Variants in MTFMT observed in about 807,000 individuals in gnomAD.
The protein encoded by MTFMT is mitochondrial methionyl-tRNA formyltransferase, also known as methionyl-tRNA formyltransferase, mitochondrial.
MTFMT carries 47 observed loss-of-function variants against 51.8 expected under a neutral mutation model. That is an observed-to-expected ratio of 0.91 (90% CI 0.72 to 1.16). The LOEUF (loss-of-function observed/expected upper bound fraction) is 1.16, where lower values mean the gene tolerates loss of function less well. Ranked by LOEUF, MTFMT falls within the 50% of genes most tolerant of loss-of-function variation. MTFMT has a pLI of 0.00. For missense variants in MTFMT, 512 were observed against 482.3 expected, an observed-to-expected ratio of 1.06 and a Z score of -0.58; for synonymous variants, 196 against 176.7, an observed-to-expected ratio of 1.11 and a Z score of -0.87.
At chr15:65,011,320 C>T (rs1185641635) in intron 6 of MTFMT, among the ~76,000 whole-genome samples, 1 of 152,022 alleles carries the variant, frequency 6.6e-6, no homozygotes, top group African/African-American at 2.4e-5. Flanking sequence ...AAGACTCCAT[C>T]TCAAAAACAA....
At chr15:65,028,050 G>C (rs1371099672) in intron 1 of MTFMT, among the ~76,000 whole-genome samples, 4 of 152,222 alleles carry the variant, frequency 2.6e-5, no homozygotes, top group Non-Finnish European at 1.5e-5. Flanking sequence ...ACGTTGAGGA[G>C]TTATGAGGAG....
intron 3 of MTFMT, among the ~76,000 whole-genome samples, chr15:65,022,153 G>A (rs1004170362): frequency 2.0e-5 from 3 of 152,140 alleles, no homozygotes; most frequent in African/African-American, 7.2e-5. Flanking sequence ...GTTTTGCCTA[G>A]ATTATCACCA....
rs763779460 is a variant in MTFMT at position 65,029,429 on chromosome 15, G to A, written c.185C>T (p.Ala62Val). The change falls in exon 1 of 9, where the codon GCG becomes GTG. Residue 62 changes from alanine (A) to valine (V), a missense_variant. Ala to Val is a moderately conservative substitution (Grantham distance 64, BLOSUM62 0). Transcript: ENST00000220058. The part of the protein sequence containing the change: ...FFGTDQFARE[A>V]LRALHAAREN... ...CCTGGCGGCGTGCAGCGCCCGCAGC[G>A]CCTCGCGGGCGAACTGGTCCGTGCC... The A allele has an allele frequency of 2.0e-6, 3 of 1,503,240 alleles. No individual in the cohort carries two copies. The African/African-American group carries it at 4.4e-5, about 22-fold the overall frequency. 93.1% of individuals were successfully genotyped at this position (1,503,240 alleles called of 1,614,324 possible).
intron 5 of MTFMT, among the ~76,000 whole-genome samples, chr15:65,016,893 G>A (rs926027612): frequency 3.3e-5 from 5 of 150,996 alleles, no homozygotes; most frequent in African/African-American, 1.2e-4. Context: ...AGATTCTTGT[G>A]CCTCAGCCTC....
rs116654001 is a variant in MTFMT, at chr15:65,029,258, G to C, written c.209+147C>G. 5,779 of 1,284,178 alleles carry C rather than the reference G, an allele frequency of 4.5e-3. 211 individuals are homozygous for C. In the African/African-American group the frequency reaches 0.078, roughly 17 times the overall value. The allele number at this position is 1,284,178 out of a possible 1,614,324, so 79.5% of individuals were successfully genotyped here. ...ACCGGCGGGAATGGCGCACCTTCTG[G>C]GAGCCAGAAGACGCCGAGATCTGGG... On this transcript the variant is annotated intron_variant, in intron 1 of 8. Coordinates refer to ENST00000220058, the MANE Select transcript of MTFMT (RefSeq NM_139242.4).
At chr15:65,021,241 G>A (rs1375451178) in intron 4 of MTFMT, among the ~76,000 whole-genome samples, 1 of 152,146 alleles carries the variant, frequency 6.6e-6, no homozygotes, top group African/African-American at 2.4e-5. Context: ...GTGAAATTGA[G>A]AAGAATAGTC....
rs763851915 is a variant in MTFMT at position 65,003,200 on chromosome 15, G to C, written c.1032C>G (p.Asp344Glu). The change falls in exon 9 of 9, where the codon GAC becomes GAG. Residue 344 changes from aspartate (D) to glutamate (E), a missense_variant. Coordinates refer to ENST00000220058, the MANE Select transcript of MTFMT (RefSeq NM_139242.4). The part of the protein sequence containing the change: ...VMLKKSLTAT[D>E]FYNGYLHPWY... ...AGGGGTGCAAATATCCATTGTAGAA[G>C]TCAGTAGCTGTTAGTGATTTCTTGA... The C allele has an allele frequency of 1.3e-5, 21 of 1,613,632 alleles. No homozygotes were observed. The highest frequency in any genetic ancestry group is 6.8e-6 in the Non-Finnish European group (8 of 1,179,786).
intron 1 of MTFMT, 198 bp downstream of exon 1, chr15:65,029,207 C>T: frequency 1.1e-6 from 1 of 928,370 alleles, no homozygotes; most frequent in Non-Finnish European, 1.3e-6. Context: ...GGGCGCAGAC[C>T]GCAGGTACTA....
intron 6 of MTFMT, among the ~76,000 whole-genome samples, chr15:65,007,176 C>T (rs758484409): frequency 5.9e-5 from 9 of 152,172 alleles, no homozygotes; most frequent in Non-Finnish European, 1.3e-4. Context: ...GAGGTGGGAG[C>T]CTGTTGGCAG....
chr15:65,013,253 CT>C (rs2086285407), intron 6 of MTFMT, among the ~76,000 whole-genome samples: 2 of 150,338 alleles, frequency 1.3e-5, no homozygotes, highest in African/African-American at 4.9e-5. Flanking sequence ...AAGGGAAAGG[CT>C]TTGTCTTTCT....
In MTFMT at chr15:65,029,633, C is replaced by G. The variant is rs1326520210; in HGVS notation, c.-20G>C. The G allele has an allele frequency of 2.9e-6, 4 of 1,372,304 alleles. No homozygotes were observed. The highest frequency in any genetic ancestry group is 3.8e-6 in the Non-Finnish European group (4 of 1,061,876). 85.0% of individuals were successfully genotyped at this position (1,372,304 alleles called of 1,614,324 possible). A position where few individuals can be genotyped will look rare whatever the true frequency, so the allele number is the denominator to read the frequency against. On this transcript the variant is annotated 5_prime_UTR_variant, in exon 1 of 9. Coordinates refer to ENST00000220058, the MANE Select transcript of MTFMT (RefSeq NM_139242.4). ...CCTCATCGCCTCGGCCGCCGGCGGCCGGCCCTGCGCAGGCGCATCGGGGCG... is the reference window on the plus strand; with the variant it reads ...CCTCATCGCCTCGGCCGCCGGCGGCGGGCCCTGCGCAGGCGCATCGGGGCG...
intron 6 of MTFMT, among the ~76,000 whole-genome samples, chr15:65,007,875 G>C (rs1272725581): frequency 6.6e-6 from 1 of 152,018 alleles, no homozygotes; most frequent in Non-Finnish European, 1.5e-5. Flanking sequence ...ATTTTCCTCA[G>C]TTTGTTGACT....
At chr15:65,023,561 C>G (rs1007263254) in intron 3 of MTFMT, 111 bp downstream of exon 3, 1 of 985,420 alleles carries the variant, frequency 1.0e-6, no homozygotes, top group African/African-American at 1.6e-5. Context: ...AAGAAGCACT[C>G]TGGAGTCACA....
intron 6 of MTFMT, among the ~76,000 whole-genome samples, chr15:65,015,368 C>T (rs552413593): frequency 1.4e-5 from 2 of 146,720 alleles, no homozygotes; most frequent in African/African-American, 4.9e-5. Flanking sequence ...TCGAGTAACA[C>T]TTAATAACAA....
chr15:65,021,541 T>G lies in MTFMT; in HGVS notation c.618A>C (p.Ala206=). Residue 206 remains alanine (A), a synonymous_variant, in exon 4 of 9, where the codon GCA becomes GCC. Coordinates refer to ENST00000220058, the MANE Select transcript of MTFMT (RefSeq NM_139242.4). ...PPKSTAKELE[A]VLSRLGANML... is the part of the protein sequence containing the mutation. ...TGTTGGCACCCAGTCTTGACAACAC[T>G]GCTTCCAATTCCTTTGCAGTGCTCT... 1 of 1,610,594 alleles carries G rather than the reference T, an allele frequency of 6.2e-7. No homozygotes were observed. Among genetic ancestry groups the G allele is most frequent in the Non-Finnish European group, 8.5e-7 (1 of 1,177,242 alleles).
At chr15:65,029,082 G>C (rs1226242618) in intron 1 of MTFMT, among the ~76,000 whole-genome samples, 1 of 152,134 alleles carries the variant, frequency 6.6e-6, no homozygotes, top group Non-Finnish European at 1.5e-5. Context: ...CACTCAAAAC[G>C]GGCAGGGAGG....
At chr15:65,027,111 C>T (rs185810726) in intron 1 of MTFMT, 71 bp from the exon 2 acceptor site, 115 of 1,067,640 alleles carry the variant, frequency 1.1e-4, no homozygotes, top group East Asian at 3.8e-4. Flanking sequence ...CTTCACATAT[C>T]GCTAAGTATG....
At chr15:65,027,752 A>G (rs1365292606) in intron 1 of MTFMT, among the ~76,000 whole-genome samples, 1 of 152,186 alleles carries the variant, frequency 6.6e-6, no homozygotes, top group Non-Finnish European at 1.5e-5. Flanking sequence ...TTCACTGAAC[A>G]TTTCTAGAAG....
intron 1 of MTFMT, among the ~76,000 whole-genome samples, chr15:65,027,550 C>T (rs540189943): frequency 6.6e-6 from 1 of 152,240 alleles, no homozygotes; most frequent in Non-Finnish European, 1.5e-5. Context: ...AAGAGTGACA[C>T]GTGGCTAGTG....
Sources: allele counts gnomAD v4.1 joint callset (sites outside exome capture counted in the v4.1 genomes callset), GRCh38; gene constraint gnomAD v4.1.1; transcripts MANE v1.5; gene names NCBI Gene and HGNC (gene_info 2026-07-23, HGNC 2026-07-21).